AZIN2: variants seen among roughly 807,000 people sequenced by gnomAD.
AZIN2 encodes antizyme inhibitor 2, also known as ODC antizyme inhibitor-2.
In AZIN2, 28 loss-of-function variants were observed where a neutral mutation model predicts 47.8. The observed-to-expected ratio is 0.59, with a 90% CI of 0.43 to 0.80. The LOEUF (loss-of-function observed/expected upper bound fraction) is 0.80. Among genes scored for constraint, AZIN2 ranks in the 30% least tolerant of loss-of-function variants. AZIN2 has a pLI of 0.00. For synonymous variants in AZIN2, 221 were observed against 239.4 expected (o/e 0.92, Z 0.71); for missense variants, 535 against 582.5 (o/e 0.92, Z 0.84).
At chr1:33,146,801 T>A in the AZIN2 span, 43 of 284,316 alleles carry the variant, frequency 1.5e-4, no homozygotes, top group Non-Finnish European at 2.0e-4. Context: ...TCTTTCGGGC[T>A]GCCAACTACT....
At chr1:33,151,985 T>C in the AZIN2 span, among the ~76,000 whole-genome samples, 1 of 152,376 alleles carries the variant, frequency 6.6e-6, no homozygotes, top group East Asian at 1.9e-4. Context: ...CGTTTTCCTC[T>C]GGCCAGGCCT....
chr1:33,084,052 T>C lies in AZIN2; in HGVS notation c.204T>C (p.Ala68=). The C allele has an allele frequency of 1.2e-6, 2 of 1,614,142 alleles. No individual in the cohort carries two copies. Among genetic ancestry groups the C allele is most frequent in the Non-Finnish European group, 1.7e-6 (2 of 1,180,048 alleles). ...TGCCACGAGTCCGGCCCTTTTATGC[T>C]GTCAAGTGCAACAGCAGCCCAGGTG... ...KCLPRVRPFY[A]VKCNSSPGVL... The change falls in exon 5 of 12, where the codon GCT becomes GCC. Residue 68 remains alanine, a synonymous_variant. Transcript: ENST00000294517.
the AZIN2 span, among the ~76,000 whole-genome samples, chr1:33,128,756 T>G: frequency 6.6e-6 from 1 of 152,220 alleles, no homozygotes; most frequent in Non-Finnish European, 1.5e-5. Flanking sequence ...GGGCAAGGCT[T>G]CTGGGAGAAG....
At chr1:33,089,497 G>A (rs1642293894) in intron 5 of AZIN2, among the ~76,000 whole-genome samples, 1 of 152,152 alleles carries the variant, frequency 6.6e-6, no homozygotes, top group East Asian at 1.9e-4. Context: ...TCCCCAAAGT[G>A]CTAAAGTGCT....
chr1:33,126,113 C>T (rs1207369379), downstream of AZIN2, among the ~76,000 whole-genome samples: 1 of 152,218 alleles, frequency 6.6e-6, no homozygotes, highest in Non-Finnish European at 1.5e-5. Flanking sequence ...ATACATTTCA[C>T]TTAGAATTAA....
the AZIN2 span, among the ~76,000 whole-genome samples, chr1:33,157,931 A>AT: frequency 6.6e-6 from 1 of 151,718 alleles, no homozygotes; most frequent in African/African-American, 2.4e-5. Flanking sequence ...TAATTTTTGT[A>AT]TTTTTAATAG....
the AZIN2 span, among the ~76,000 whole-genome samples, chr1:33,139,261 T>C: frequency 2.0e-5 from 3 of 152,318 alleles, no homozygotes; most frequent in South Asian, 6.2e-4. Flanking sequence ...AGGGGTTATC[T>C]CTGGTCTGTA....
At chr1:33,126,722 A>G (rs183883583), downstream of AZIN2, among the ~76,000 whole-genome samples, 193 of 152,288 alleles carry the variant, frequency 1.3e-3, no homozygotes, top group Non-Finnish European at 2.3e-3. Flanking sequence ...CCCCCCCAAT[A>G]GCGCTTTCTG....
downstream of AZIN2, among the ~76,000 whole-genome samples, chr1:33,126,557 G>A (rs1644857930): frequency 6.6e-6 from 1 of 152,148 alleles, no homozygotes; most frequent in Admixed American, 6.5e-5. Context: ...AGTGGGGGAT[G>A]TGGCTCCTTG....
At chr1:33,117,082 A>G (rs1026523297) in intron 10 of AZIN2, among the ~76,000 whole-genome samples, 7 of 152,244 alleles carry the variant, frequency 4.6e-5, no homozygotes, top group Non-Finnish European at 1.0e-4. Context: ...ATTTAAGAAA[A>G]AATCTTAAAT....
chr1:33,114,993 G>T (rs1165111718), intron 10 of AZIN2, among the ~76,000 whole-genome samples: 3 of 152,096 alleles, frequency 2.0e-5, no homozygotes, highest in African/African-American at 7.2e-5. Context: ...TTCCATCAAG[G>T]CCGTGCACCT....
chr1:33,083,596 G>T, intron 4 of AZIN2: 1 of 354,352 alleles, frequency 2.8e-6, no homozygotes, highest in Non-Finnish European at 5.4e-6. Context: ...TTGCCTTATT[G>T]GTTTGGGGAA....
rs762462327 is a variant in AZIN2 at position 33,098,172 on chromosome 1, T to C, written c.1022T>C (p.Leu341Pro). ...LFDNICPTPI[L>P]QKKPSTEQPL... is the part of the protein sequence containing the mutation. Reference sequence around the variant, plus strand: ...GACAACATCTGCCCTACCCCCATCCTGCAGAAGGTGAGCTTACCCCACGTG... The same window carrying C: ...GACAACATCTGCCCTACCCCCATCCCGCAGAAGGTGAGCTTACCCCACGTG... The change falls in exon 10 of 12, where the codon CTG becomes CCG. Residue 341 changes from leucine to proline, a missense_variant. Coordinates refer to ENST00000294517, the MANE Select transcript of AZIN2 (RefSeq NM_052998.4). 6.2e-7 allele frequency: 1 copy of C among 1,608,946 alleles called. No homozygotes were observed. Among genetic ancestry groups the C allele is most frequent in the East Asian group, 2.2e-5 (1 of 44,698 alleles).
Position 33,097,035 on chromosome 1 carries a change from A to G in AZIN2, c.916+166A>G, listed in dbSNP as rs772373586. The G allele has an allele frequency of 6.8e-6, 5 of 736,490 alleles. No homozygotes were observed. In the South Asian group the frequency reaches 9.3e-5, roughly 14 times the overall value. The allele number at this position is 736,490 out of a possible 1,614,324, so 45.6% of individuals were successfully genotyped here. On this transcript the variant is annotated intron_variant, in intron 9 of 11. Transcript: ENST00000294517. ...TTCAGTCAAGTCGCCCCACCCCAAG[A>G]CATTTATTTAGCATCTTTTTTCCTA...
intron 5 of AZIN2, among the ~76,000 whole-genome samples, chr1:33,086,442 C>T (rs1641909472): frequency 6.6e-6 from 1 of 152,140 alleles, no homozygotes; most frequent in Admixed American, 6.5e-5. Context: ...GAGACTTAAG[C>T]CCCCTCCCTG....
intron 5 of AZIN2, among the ~76,000 whole-genome samples, chr1:33,086,068 A>G (rs1319490540): frequency 2.6e-5 from 4 of 152,130 alleles, no homozygotes; most frequent in Non-Finnish European, 5.9e-5. Context: ...GGGCAGAGTG[A>G]GGTGTTAAGG....
At chr1:33,114,138 T>C (rs980419375) in intron 10 of AZIN2, among the ~76,000 whole-genome samples, 3 of 152,006 alleles carry the variant, frequency 2.0e-5, no homozygotes, top group African/African-American at 7.2e-5. Context: ...CTTTTTTTTT[T>C]TGAGATGGAG....
the AZIN2 span, chr1:33,165,461 C>T: frequency 1.0e-5 from 16 of 1,587,196 alleles, no homozygotes; most frequent in Non-Finnish European, 1.4e-5. The surrounding 1 kb of genome is among the most constrained non-coding windows in gnomAD (Gnocchi z 4.0). Context: ...CGCGCCCCGG[C>T]CAGGCTCACC....
chr1:33,165,586 G>A, the AZIN2 span: 5 of 1,591,146 alleles, frequency 3.1e-6, no homozygotes, highest in Non-Finnish European at 4.3e-6. This position sits in a 1 kb window ranked among gnomAD's most constrained non-coding sequence, Gnocchi z 4.0. Flanking sequence ...ACACAGGGCC[G>A]GGATGGGGGC....
Sources: allele counts gnomAD v4.1 joint callset (sites outside exome capture counted in the v4.1 genomes callset), GRCh38; gene constraint gnomAD v4.1.1; non-coding constraint Gnocchi (gnomAD v3.1); transcripts MANE v1.5; gene names NCBI Gene and HGNC (gene_info 2026-07-23, HGNC 2026-07-21).